The following SHTN1 variants were observed in gnomAD, a reference collection of about 807,000 sequenced individuals.
The protein encoded by SHTN1 is shootin-1.
Under a neutral mutation model 83.1 loss-of-function variants are expected in SHTN1, and 42 were observed. That is an observed-to-expected ratio of 0.51 (90% CI 0.39 to 0.65). The LOEUF (loss-of-function observed/expected upper bound fraction) is 0.65. SHTN1 is among the 30% of genes least tolerant of loss of function. The pLI is 0.00. For missense variants in SHTN1, 622 were observed against 737.8 expected, an observed-to-expected ratio of 0.84 and a Z score of 1.82; for synonymous variants, 224 against 247.7, an observed-to-expected ratio of 0.90 and a Z score of 0.90.
intron 1 of SHTN1, among the ~76,000 whole-genome samples, chr10:116,990,287 C>CTTTTTTTTTTTTTTTTTTTTTTTCT (rs11399364): frequency 2.5e-5 from 3 of 119,916 alleles, no homozygotes; most frequent in African/African-American, 3.2e-5. Context: ...TTTTTTCTTT[C>CTTTTTTTTTTTTTTTTTTTTTTTCT]TTTTTTTTTT....
intron 1 of SHTN1, among the ~76,000 whole-genome samples, chr10:117,116,756 A>G (rs1173922438): frequency 6.6e-6 from 1 of 152,214 alleles, no homozygotes; most frequent in African/African-American, 2.4e-5. Flanking sequence ...ATGGTTCAAC[A>G]TACACAAAGT....
intron 1 of SHTN1, among the ~76,000 whole-genome samples, chr10:117,004,188 G>C (rs190417324): frequency 7.9e-5 from 12 of 152,274 alleles, no homozygotes; most frequent in African/African-American, 2.9e-4. Flanking sequence ...CACCCGGCTG[G>C]TTCCTCCCTG....
At position 116,882,754 on chromosome 10, in the gene SHTN1, G is replaced by A. The variant is rs958921545; in HGVS notation, c.*3590C>T. On this transcript the variant is annotated 3_prime_UTR_variant, in exon 17 of 17. Transcript: ENST00000355371. ...ACAGAGCCAACTCTTTATTCTCAAA[G>A]CTATGATTTGAAACTGGCTCAGGCG... 2 of 152,088 alleles carry A rather than the reference G, an allele frequency of 1.3e-5. No homozygotes were observed. Among genetic ancestry groups the A allele is most frequent in the Admixed American group, 1.3e-4 (2 of 15,270 alleles). 9.4% of individuals were successfully genotyped at this position (152,088 alleles called of 1,614,324 possible). A position where few individuals can be genotyped will look rare whatever the true frequency, so the allele number is the denominator to read the frequency against.
intron 11 of SHTN1, among the ~76,000 whole-genome samples, chr10:116,921,837 T>C (rs994269752): frequency 1.3e-5 from 2 of 152,220 alleles, no homozygotes; most frequent in Middle Eastern, 3.4e-3. Flanking sequence ...CTATGTACTA[T>C]GTTAGAGGGG....
At chr10:117,093,004 AT>A (rs1302776771) in intron 1 of SHTN1, among the ~76,000 whole-genome samples, 1 of 152,208 alleles carries the variant, frequency 6.6e-6, no homozygotes, top group African/African-American at 2.4e-5. Context: ...ATAGCAGCCA[AT>A]ACTTATAGAG....
chr10:116,964,500 T>G (rs1850319418), intron 3 of SHTN1, among the ~76,000 whole-genome samples: 1 of 152,166 alleles, frequency 6.6e-6, no homozygotes, highest in Non-Finnish European at 1.5e-5. Context: ...CAACTCTAAC[T>G]CCCAGCGATA....
intron 2 of SHTN1, among the ~76,000 whole-genome samples, chr10:117,042,134 T>C (rs1034090541): frequency 6.6e-6 from 1 of 152,212 alleles, no homozygotes; most frequent in African/African-American, 2.4e-5. Flanking sequence ...ATATCTGCCA[T>C]TTTTCCTTTG....
Position 116,927,857 on chromosome 10 carries a change from C to A in SHTN1, c.1047G>T (p.Glu349Asp). The A allele has an allele frequency of 6.2e-7, 1 of 1,611,820 alleles. No homozygotes were observed. Among genetic ancestry groups the A allele is most frequent in the South Asian group, 1.1e-5 (1 of 90,838 alleles). ...GAGGAGGTGGTGGAGGTACTGAATT[C>A]TCAGACTGGTTCACTCGTTTCTGGA... ...DELQKRVNQS[E>D]NSVPPPPPPP... The change falls in exon 11 of 17, where the codon GAG (glutamate) becomes GAT (aspartate). Residue 349 changes from glutamate to aspartate, a missense_variant. By Grantham distance (45) the Glu-to-Asp change is conservative. Coordinates refer to ENST00000355371, the MANE Select transcript of SHTN1 (RefSeq NM_001127211.3).
chr10:117,056,688 G>A (rs1852830747), intron 1 of SHTN1, among the ~76,000 whole-genome samples: 1 of 152,110 alleles, frequency 6.6e-6, no homozygotes, highest in South Asian at 2.1e-4. Flanking sequence ...GTACGTGCCT[G>A]TAGTCCCAGC....
intron 8 of SHTN1, 123 bp from the exon 9 acceptor site, chr10:116,940,735 C>T: frequency 1.4e-6 from 1 of 710,950 alleles, no homozygotes; most frequent in East Asian, 2.9e-5. Context: ...ATTCTGACTT[C>T]TATAAGTTTT....
At position 116,923,722 on chromosome 10, in the gene SHTN1, G is replaced by GT. The variant is rs533815718; in HGVS notation, c.1113-2207dup. On this transcript the variant is annotated intron_variant, in intron 11 of 16. Transcript: ENST00000355371. Reference sequence around the variant, plus strand: ...AGGTACACCACCACTCCTGGTTAATGTTTTTTAATTTTTTGCAGTGGTCTC... The same window carrying GT: ...AGGTACACCACCACTCCTGGTTAATGTTTTTTTAATTTTTTGCAGTGGTCTC... 9.2e-5 allele frequency among the ~76,000 whole-genome samples: 14 copies of GT among 152,040 alleles called. No homozygotes were observed. In the South Asian group the frequency reaches 2.3e-3, roughly 25 times the overall value.
chr10:117,038,927 G>A (rs908832336), intron 2 of SHTN1, among the ~76,000 whole-genome samples: 4 of 152,126 alleles, frequency 2.6e-5, no homozygotes, highest in African/African-American at 7.2e-5. Context: ...TTTGGAAGAC[G>A]GTTTGGTAGT....
intron 16 of SHTN1, among the ~76,000 whole-genome samples, chr10:116,891,024 CA>C (rs1847328119): frequency 6.6e-6 from 1 of 152,140 alleles, no homozygotes; most frequent in Non-Finnish European, 1.5e-5. Context: ...AACTAATGCC[CA>C]AAAGAGCCCT....
Position 116,979,311 on chromosome 10 carries a change from A to T in SHTN1, c.59-3T>A. The T allele has an allele frequency of 1.2e-6, 2 of 1,613,090 alleles. No homozygotes were observed. The highest frequency in any genetic ancestry group is 1.7e-6 in the Non-Finnish European group (2 of 1,179,382). ...AAGGTCTTCATATTCGCCTATTGCT[A>T]AAAGAAAAAAGGAAAGCAACATTAC... On this transcript the variant is annotated splice_region_variant and splice_polypyrimidine_tract_variant and intron_variant, in intron 1 of 16. Coordinates refer to ENST00000355371, the MANE Select transcript of SHTN1 (RefSeq NM_001127211.3).
chr10:117,095,852 T>C (rs957009575), intron 1 of SHTN1, among the ~76,000 whole-genome samples: 38 of 152,320 alleles, frequency 2.5e-4, no homozygotes, highest in African/African-American at 8.2e-4. Context: ...TTTTATTTGC[T>C]AGTATTTTCA....
chr10:117,104,285 T>C (rs900237625), intron 1 of SHTN1, among the ~76,000 whole-genome samples: 9 of 152,200 alleles, frequency 5.9e-5, no homozygotes, highest in Non-Finnish European at 1.3e-4. Flanking sequence ...AATAATTTTT[T>C]TCTTAGTAAG....
intron 1 of SHTN1, among the ~76,000 whole-genome samples, chr10:116,983,676 ATAGATAGATAAATACATAC>A (rs1564913624): frequency 0.13 from 8,169 of 62,392 alleles, 255 homozygotes; most frequent in East Asian, 0.27. Context: ...AGATAGATAG[ATAGATAGATAAATACATAC>A]ATACATACAT....
chr10:117,119,797 T>C (rs951804062), intron 1 of SHTN1, among the ~76,000 whole-genome samples: 4 of 151,692 alleles, frequency 2.6e-5, no homozygotes, highest in African/African-American at 9.7e-5. Flanking sequence ...GACAGATGAA[T>C]GAATTTTAAA....
chr10:117,016,795 A>T (rs12769006), intron 2 of SHTN1, among the ~76,000 whole-genome samples: 1 of 152,194 alleles, frequency 6.6e-6, no homozygotes, highest in Non-Finnish European at 1.5e-5. Context: ...AATGAACCCT[A>T]TGGTGCTAGA....
Sources: allele counts gnomAD v4.1 joint callset (sites outside exome capture counted in the v4.1 genomes callset), GRCh38; gene constraint gnomAD v4.1.1; transcripts MANE v1.5; gene names NCBI Gene and HGNC (gene_info 2026-07-23, HGNC 2026-07-21).